GGT1: variants seen among roughly 807,000 people sequenced by gnomAD.
GGT1 encodes glutathione hydrolase 1 proenzyme.
A neutral mutation model predicts 56.0 loss-of-function variants in GGT1; 21 were observed. The ratio of observed to expected loss-of-function variants is 0.38; its 90% confidence interval spans 0.27 to 0.54. The LOEUF (loss-of-function observed/expected upper bound fraction) is 0.54. Ranked by LOEUF, GGT1 falls within the 20% of genes least tolerant of loss-of-function variation. The pLI, the probability that GGT1 is intolerant of heterozygous loss-of-function variation, is 0.82. For missense variants in GGT1, 466 were observed against 787.0 expected (o/e 0.59, Z 4.88); for synonymous variants, 238 against 342.6 (o/e 0.69, Z 3.37).
chr22:24,623,504 G>A (rs1601751356), intron 10 of GGT1, among the ~76,000 whole-genome samples: 1 of 150,422 alleles, frequency 6.6e-6, no homozygotes, highest in Non-Finnish European at 1.5e-5. Flanking sequence ...AGAGGTGCAG[G>A]AGCTCAGGGC....
intron 1 of GGT1, among the ~76,000 whole-genome samples, chr22:24,604,668 A>G (rs2045921036): frequency 1.3e-5 from 2 of 152,126 alleles, no homozygotes; most frequent in African/African-American, 2.4e-5. Flanking sequence ...GTCCTTCCTC[A>G]GGTGACATGG....
At chr22:24,614,669 A>C in intron 5 of GGT1, 107 bp from the exon 6 acceptor site, 3 of 974,726 alleles carry the variant, frequency 3.1e-6, no homozygotes, top group Non-Finnish European at 4.7e-6. Context: ...CCAAAACTCG[A>C]ATGGACTTCT....
At chr22:24,624,647 G>A (rs1262682196) in intron 11 of GGT1, 2 of 973,490 alleles carry the variant, frequency 2.1e-6, no homozygotes, top group African/African-American at 3.5e-5. Context: ...CTCCTTTTTG[G>A]CTAAGGCCAG....
chr22:24,596,913 T>C (rs1329147132), intron 1 of GGT1, among the ~76,000 whole-genome samples: 20 of 50,318 alleles, frequency 4.0e-4, no homozygotes, highest in Non-Finnish European at 1.9e-4. Flanking sequence ...AGACTCTGTC[T>C]CAAAAAAAAA....
At chr22:24,600,816 C>T (rs1042270100), upstream of GGT1, among the ~76,000 whole-genome samples, 6 of 152,136 alleles carry the variant, frequency 3.9e-5, no homozygotes, top group Non-Finnish European at 7.3e-5. Context: ...AGACAGTGGG[C>T]AGGATCTGAG....
Position 24,624,219 on chromosome 22 carries a change from C to T in GGT1, c.1020+303C>T, listed in dbSNP as rs1049999595. 5 of 984,604 alleles carry T rather than the reference C, an allele frequency of 5.1e-6. No homozygotes were observed. The African/African-American group carries it at 5.2e-5, about 10-fold the overall frequency. 61.0% of individuals were successfully genotyped at this position (984,604 alleles called of 1,614,324 possible). A position where few individuals can be genotyped will look rare whatever the true frequency, so the allele number is the denominator to read the frequency against. On this transcript the variant is annotated intron_variant, in intron 11 of 15. Coordinates refer to ENST00000400382, the MANE Select transcript of GGT1 (RefSeq NM_001288833.2). Reference sequence around the variant, plus strand: ...GAATGCATGGGGGCATTGCAGCCCTCGGGCATGGTGAGATGGATGGGTGAA... The same window carrying T: ...GAATGCATGGGGGCATTGCAGCCCTTGGGCATGGTGAGATGGATGGGTGAA...
chr22:24,614,135 A>C, intron 5 of GGT1, among the ~76,000 whole-genome samples: 1 of 151,974 alleles, frequency 6.6e-6, no homozygotes, highest in Non-Finnish European at 1.5e-5. Flanking sequence ...TGAGCACAGG[A>C]GTTCTTGACC....
intron 5 of GGT1, among the ~76,000 whole-genome samples, chr22:24,613,179 G>A (rs191746427): frequency 4.1e-4 from 63 of 152,218 alleles, no homozygotes; most frequent in African/African-American, 1.4e-3. Flanking sequence ...GGGCTTAAGC[G>A]ATCCTCCCAC....
At chr22:24,585,913 G>A in the GGT1 span, 318 of 1,600,854 alleles carry the variant, frequency 2.0e-4, 2 homozygotes, top group African/African-American at 3.6e-3. Flanking sequence ...CCTGGGGCTC[G>A]GGTCCCAGCC....
At chr22:24,611,513 TCCTATCTATCTA>T (rs1292554728) in intron 5 of GGT1, among the ~76,000 whole-genome samples, 289 of 128,882 alleles carry the variant, frequency 2.2e-3, no homozygotes, top group African/African-American at 8.1e-3. Context: ...ACTTATTTCT[TCCTATCTATCTA>T]TCTATCTATC....
intron 7 of GGT1, among the ~76,000 whole-genome samples, chr22:24,618,864 G>A (rs2047230395): frequency 6.6e-6 from 1 of 152,148 alleles, no homozygotes; most frequent in Non-Finnish European, 1.5e-5. Flanking sequence ...TACCTTTCTG[G>A]GCAAAGGGTC....
intron 9 of GGT1, 80 bp from the exon 10 acceptor site, chr22:24,623,027 A>G: frequency 1.9e-6 from 3 of 1,590,252 alleles, no homozygotes; most frequent in South Asian, 2.2e-5. Flanking sequence ...CCTGCCCCCA[A>G]CACCACTGCT....
chr22:24,586,798 T>A, the GGT1 span, among the ~76,000 whole-genome samples: 1 of 152,232 alleles, frequency 6.6e-6, no homozygotes, highest in Admixed American at 6.5e-5. Context: ...CCCAAAGTGC[T>A]GGGATTACAG....
intron 1 of GGT1, among the ~76,000 whole-genome samples, chr22:24,605,351 ATATAATATGTATTATATAT>A (rs1569048327): frequency 3.2e-5 from 2 of 61,716 alleles, no homozygotes; most frequent in African/African-American, 1.6e-4. Context: ...ATTATATATT[ATATAATATGTATTATATAT>A]TATATAATAT....
At chr22:24,592,931 C>T (rs1446639466), upstream of GGT1, 14 of 1,241,520 alleles carry the variant, frequency 1.1e-5, no homozygotes, top group African/African-American at 1.6e-5. Flanking sequence ...GACTGGATCT[C>T]GCGGAGCCAC....
In GGT1 at chr22:24,620,707, G is replaced by A. The variant is rs2047363544; in HGVS notation, c.575+187G>A. The A allele has an allele frequency of 6.2e-6, 9 of 1,455,534 alleles. No individual in the cohort carries two copies. The highest frequency in any genetic ancestry group is 7.3e-6 in the Non-Finnish European group (8 of 1,100,850). The allele number at this position is 1,455,534 out of a possible 1,614,324, so 90.2% of individuals were successfully genotyped here. A position where few individuals can be genotyped will look rare whatever the true frequency, so the allele number is the denominator to read the frequency against. ...TGAGCGTGGGGTCCCAGTGGCCACT[G>A]TGGCTGGCCATGTGTCCTGAGTGGC... On this transcript the variant is annotated intron_variant, in intron 8 of 15. Coordinates refer to ENST00000400382, the MANE Select transcript of GGT1 (RefSeq NM_001288833.2). This position sits in a 1 kb window ranked among gnomAD's most constrained non-coding sequence, Gnocchi z 5.6.
Position 24,614,822 on chromosome 22 carries a change from G to T in GGT1, c.211G>T (p.Ala71Ser), listed in dbSNP as rs572332081. 26 of 1,613,436 alleles carry T rather than the reference G, an allele frequency of 1.6e-5. No homozygotes were observed. The highest frequency in any genetic ancestry group is 2.5e-6 in the Non-Finnish European group (3 of 1,179,546). The change falls in exon 6 of 16, where the codon GCC becomes TCC. Residue 71 changes from alanine (A) to serine (S), a missense_variant. By Grantham distance (99) the Ala-to-Ser change is moderately conservative (BLOSUM62 1). This residue lies in a region of GGT1 where 456 missense variants were observed against 716.7 expected (regional missense o/e 0.64). Transcript: ENST00000400382. ...CTCTGCGGTGGATGCAGCCATTGCA[G>T]CCCTGTTGTGTGTGGGGCTCATGAA... Reference protein sequence around the residue: ...GGSAVDAAIAALLCVGLMNAH... With the variant: ...GGSAVDAAIASLLCVGLMNAH...
intron 11 of GGT1, among the ~76,000 whole-genome samples, chr22:24,625,276 T>G (rs997406597): frequency 6.6e-6 from 1 of 152,148 alleles, no homozygotes; most frequent in African/African-American, 2.4e-5. Flanking sequence ...GCTGTTTTGT[T>G]TTTGTTGTGT....
intron 11 of GGT1, among the ~76,000 whole-genome samples, chr22:24,625,669 G>A (rs914764452): frequency 6.6e-6 from 1 of 151,828 alleles, no homozygotes; most frequent in Non-Finnish European, 1.5e-5. Context: ...AGCCTCCCGA[G>A]TAGCTGGGAT....
Sources: gnomAD v4.1 joint callset for allele counts (sites outside exome capture counted in the v4.1 genomes callset) on GRCh38, gnomAD v4.1.1 for gene constraint, gnomAD v4.1.1 regional missense constraint, Gnocchi (gnomAD v3.1) non-coding constraint, MANE v1.5 for transcripts, NCBI Gene and HGNC (gene_info 2026-07-23, HGNC 2026-07-21) for gene names.